The following GLO1 variants were observed in gnomAD, a reference collection of about 807,000 sequenced individuals.
GLO1 encodes the protein lactoylglutathione lyase.
In GLO1, 28 loss-of-function variants were observed where a neutral mutation model predicts 26.0. The ratio of observed to expected loss-of-function variants is 1.08; its 90% CI spans 0.80 to 1.48. The LOEUF (loss-of-function observed/expected upper bound fraction) is 1.48, where lower values mean the gene tolerates loss of function less well. Ranked by LOEUF, GLO1 falls within the 40% of genes most tolerant of loss-of-function variation. The probability of loss-of-function intolerance (pLI) is 0.00; values close to 1 mark genes in which losing one functional copy is unlikely to be tolerated. For synonymous variants in GLO1, 78 were observed against 77.6 expected, an observed-to-expected ratio of 1.00 and a Z score of -0.03; for missense variants, 225 against 224.8, an observed-to-expected ratio of 1.00 and a Z score of -0.01.
intron 1 of GLO1, among the ~76,000 whole-genome samples, chr6:38,689,494 A>C (rs768155077): frequency 1.6e-4 from 25 of 152,298 alleles, no homozygotes; most frequent in Non-Finnish European, 2.8e-4. Flanking sequence ...GCTATACTCA[A>C]ATCCATATAT....
intron 5 of GLO1, among the ~76,000 whole-genome samples, chr6:38,677,936 C>T (rs1761286895): frequency 6.6e-6 from 1 of 152,068 alleles, no homozygotes; most frequent in Non-Finnish European, 1.5e-5. Flanking sequence ...TTTGCCTCAC[C>T]TTCATGATAC....
intron 5 of GLO1, 43 bp from the exon 6 acceptor site, chr6:38,677,426 A>G (rs1196218080): frequency 1.2e-6 from 1 of 864,434 alleles, no homozygotes; most frequent in Non-Finnish European, 2.0e-6. Context: ...CTAAAAAAGA[A>G]AACACCATAA....
At chr6:38,694,013 G>A (rs1326961356) in intron 1 of GLO1, among the ~76,000 whole-genome samples, 1 of 152,136 alleles carries the variant, frequency 6.6e-6, no homozygotes, top group East Asian at 1.9e-4. Context: ...CCCGGCCTCA[G>A]CTCAAAATAT....
In GLO1 at chr6:38,700,649, T is replaced by C. The variant is rs575598244; in HGVS notation, c.84+2322A>G. Among the ~76,000 whole-genome samples the C allele has an allele frequency of 7.9e-5, 12 of 152,354 alleles. No homozygotes were observed. The East Asian group carries it at 1.9e-3, about 24-fold the overall frequency. ...GCACACTAACCCCAGGTCCATTGTA[T>C]ATTAGAGTTGATATAAGTTGGTGAA... On this transcript the variant is annotated intron_variant, in intron 1 of 5. Coordinates refer to ENST00000373365, the MANE Select transcript of GLO1 (RefSeq NM_006708.3).
At chr6:38,680,957 T>C (rs908065134) in intron 5 of GLO1, among the ~76,000 whole-genome samples, 15 of 152,184 alleles carry the variant, frequency 9.9e-5, no homozygotes, top group African/African-American at 3.6e-4. Context: ...ATATTTATTA[T>C]TATCTTTAAA....
chr6:38,682,195 T>C, intron 4 of GLO1, 94 bp from the exon 5 acceptor site: 2 of 769,370 alleles, frequency 2.6e-6, no homozygotes, highest in Admixed American at 1.8e-5. Flanking sequence ...AACTTGTTTA[T>C]TTCAAAACAT....
intron 1 of GLO1, among the ~76,000 whole-genome samples, chr6:38,697,975 C>A (rs1236469208): frequency 6.6e-6 from 1 of 152,176 alleles, no homozygotes; most frequent in African/African-American, 2.4e-5. Flanking sequence ...AGTGGTTCCT[C>A]AACACATTTG....
chr6:38,677,451 C>A, intron 5 of GLO1, 68 bp from the exon 6 acceptor site: 1 of 782,026 alleles, frequency 1.3e-6, no homozygotes. Context: ...GTTTTTCTTT[C>A]TTTGAGACAA....
At chr6:38,700,783 G>GT (rs34141605) in intron 1 of GLO1, among the ~76,000 whole-genome samples, 22,692 of 139,188 alleles carry the variant, frequency 0.16, 2,588 homozygotes, top group African/African-American at 0.32. Flanking sequence ...TTCATTGAGG[G>GT]TTTTTTTTTT....
At chr6:38,689,915 C>T (rs1761508377) in intron 1 of GLO1, among the ~76,000 whole-genome samples, 2 of 152,108 alleles carry the variant, frequency 1.3e-5, no homozygotes, top group Admixed American at 1.3e-4. Context: ...CAACCCGCCT[C>T]CCGGGTTCAA....
At chr6:38,698,818 C>T (rs554635332) in intron 1 of GLO1, among the ~76,000 whole-genome samples, 4 of 152,138 alleles carry the variant, frequency 2.6e-5, no homozygotes, top group Non-Finnish European at 2.9e-5. Context: ...AAAAACAAGT[C>T]GACTTTGTGC....
At chr6:38,693,297 C>T (rs1345509379) in intron 1 of GLO1, among the ~76,000 whole-genome samples, 1 of 152,080 alleles carries the variant, frequency 6.6e-6, no homozygotes, top group Non-Finnish European at 1.5e-5. Context: ...TTTTAGTATT[C>T]CCTTATCTTT....
chr6:38,684,462 C>A lies in GLO1; in HGVS notation c.220G>T (p.Ala74Ser). The stretch of plus-strand genomic sequence containing the variant: ...GGGATGTCATTTTTATCCTCATAAG[C>A]CAAGAAGTAGAGTGAAAACTTCATA... ...PIMKFSLYFL[A>S]YEDKNDIPKE... Residue 74 changes from alanine (A) to serine (S), a missense_variant, in exon 3 of 6, where the codon GCT becomes TCT. Coordinates refer to ENST00000373365, the MANE Select transcript of GLO1 (RefSeq NM_006708.3). 1.3e-6 allele frequency: 2 copies of A among 1,567,814 alleles called. No individual in the cohort carries two copies. The highest frequency in any genetic ancestry group is 1.7e-6 in the Non-Finnish European group (2 of 1,155,146).
At chr6:38,701,892 GACTTC>G (rs1194075468) in intron 1 of GLO1, among the ~76,000 whole-genome samples, 1 of 150,952 alleles carries the variant, frequency 6.6e-6, no homozygotes, top group Non-Finnish European at 1.5e-5. Flanking sequence ...AGACACTGAT[GACTTC>G]ACTGGAATAA....
chr6:38,698,759 T>C (rs1353395318), intron 1 of GLO1, among the ~76,000 whole-genome samples: 1 of 147,588 alleles, frequency 6.8e-6, no homozygotes, highest in Non-Finnish European at 1.5e-5. Context: ...AAATGTGACA[T>C]AGCCATACAT....
intron 1 of GLO1, 188 bp from the exon 2 acceptor site, chr6:38,687,162 T>C: frequency 1.1e-6 from 1 of 927,654 alleles, no homozygotes; most frequent in Non-Finnish European, 1.3e-6. Flanking sequence ...TGTCAGAAAG[T>C]TTCCACTGCA....
intron 1 of GLO1, among the ~76,000 whole-genome samples, chr6:38,701,834 G>A (rs1281539634): frequency 6.6e-6 from 1 of 151,746 alleles, no homozygotes. Context: ...CAATCTTCAA[G>A]GAATTTACAA....
Position 38,678,380 on chromosome 6 carries a change from G to GAGGA in GLO1, c.467-1001_467-998dup, listed in dbSNP as rs1263138663. ...AAGGAAGGAAGGAGGGAGGGAGAGAGAGGAAGGAAGGAAGGAAGGAAAAGA... is the reference window on the plus strand; with the variant it reads ...AAGGAAGGAAGGAGGGAGGGAGAGAGAGGAAGGAAGGAAGGAAGGAAGGAAAAGA... On this transcript the variant is annotated intron_variant, in intron 5 of 5. Transcript: ENST00000373365. Among the ~76,000 whole-genome samples the GAGGA allele has an allele frequency of 4.8e-5, 3 of 62,980 alleles. No individual in the cohort carries two copies. In the Admixed American group the frequency reaches 5.2e-4, roughly 11 times the overall value. 41.3% of individuals were successfully genotyped at this position (62,980 alleles called of 152,430 possible).
rs149330465 is a variant in GLO1 at position 38,686,325 on chromosome 6, C to T, written c.167+567G>A. 9.9e-5 allele frequency among the ~76,000 whole-genome samples: 15 copies of T among 152,180 alleles called. No homozygotes were observed. The East Asian group carries it at 2.9e-3, about 29-fold the overall frequency. ...TCTATATGCTCAAAAGCAAAATGCT[C>T]ACATAACTTAGGGAAACAAATCAAC... is the stretch of plus-strand genomic sequence containing the variant. On this transcript the variant is annotated intron_variant, in intron 2 of 5. Transcript: ENST00000373365.
Sources: gnomAD v4.1 joint callset for allele counts (sites outside exome capture counted in the v4.1 genomes callset) on GRCh38, gnomAD v4.1.1 for gene constraint, MANE v1.5 for transcripts, NCBI Gene and HGNC (gene_info 2026-07-23, HGNC 2026-07-21) for gene names.